Variants in TPST1 observed in about 807,000 individuals in gnomAD.
The protein encoded by TPST1 is protein-tyrosine sulfotransferase 1.
In TPST1, 20 loss-of-function variants were observed where a neutral mutation model predicts 34.8. That is an observed-to-expected ratio of 0.57 (90% confidence interval 0.40 to 0.84). The LOEUF (loss-of-function observed/expected upper bound fraction) is 0.84, where lower values mean the gene tolerates loss of function less well. TPST1 is among the 40% of genes least tolerant of loss of function. The pLI is 0.00. For missense variants in TPST1, 353 were observed against 455.5 expected (o/e 0.78, Z 2.05); for synonymous variants, 152 against 159.4 (o/e 0.95, Z 0.35).
At chr7:66,255,943 A>G (rs995160263) in intron 2 of TPST1, among the ~76,000 whole-genome samples, 1 of 152,168 alleles carries the variant, frequency 6.6e-6, no homozygotes, top group African/African-American at 2.4e-5. Context: ...TCATTGATGA[A>G]TCATTGCCCA....
chr7:66,321,346 G>A (rs180880210), intron 3 of TPST1, among the ~76,000 whole-genome samples: 1 of 152,302 alleles, frequency 6.6e-6, no homozygotes, highest in African/African-American at 2.4e-5. Context: ...TAGGCATTTG[G>A]TATTACCTGC....
intron 3 of TPST1, among the ~76,000 whole-genome samples, chr7:66,316,110 C>CAA (rs1020760097): frequency 4.4e-5 from 4 of 91,826 alleles, no homozygotes; most frequent in Admixed American, 1.1e-4. Flanking sequence ...AACTCCATCT[C>CAA]AAAAAAAAAA....
At chr7:66,308,159 G>A (rs926112818) in intron 3 of TPST1, among the ~76,000 whole-genome samples, 1 of 152,130 alleles carries the variant, frequency 6.6e-6, no homozygotes, top group Non-Finnish European at 1.5e-5. Flanking sequence ...GGGCAACTTG[G>A]TAGCCAGTGG....
chr7:66,358,249 AAAATAAAT>A (rs1014708396), intron 5 of TPST1, among the ~76,000 whole-genome samples: 1 of 151,996 alleles, frequency 6.6e-6, no homozygotes, highest in Non-Finnish European at 1.5e-5. Context: ...CTTCGTCTCA[AAAATAAAT>A]AAATAAATAA....
rs749818570 is a variant in TPST1 at position 66,360,007 on chromosome 7, C to G, written c.*142C>G. On this transcript the variant is annotated 3_prime_UTR_variant, in exon 6 of 6. Transcript: ENST00000304842. ...CGCCGCCTGTGCATTTGCCAGTTTCCTCCCACTGAGAGGATGGAGGTGTCC... is the reference window on the plus strand; with the variant it reads ...CGCCGCCTGTGCATTTGCCAGTTTCGTCCCACTGAGAGGATGGAGGTGTCC... The G allele has an allele frequency of 5.5e-5, 25 of 456,288 alleles. 1 individual carries two copies. The highest frequency in any genetic ancestry group is 7.1e-5 in the Non-Finnish European group (16 of 226,650). 28.3% of individuals were successfully genotyped at this position (456,288 alleles called of 1,614,324 possible).
intron 2 of TPST1, among the ~76,000 whole-genome samples, chr7:66,252,036 G>T (rs1790272130): frequency 6.6e-6 from 1 of 152,124 alleles, no homozygotes; most frequent in Non-Finnish European, 1.5e-5. Context: ...TGGATTATGA[G>T]CAGTATGCAT....
intron 2 of TPST1, among the ~76,000 whole-genome samples, chr7:66,283,554 C>A (rs190657041): frequency 6.6e-6 from 1 of 152,106 alleles, no homozygotes. Flanking sequence ...GTAAACTTTA[C>A]TTATGGATAT....
upstream of TPST1, among the ~76,000 whole-genome samples, chr7:66,202,295 C>T (rs574462639): frequency 3.3e-5 from 5 of 152,290 alleles, 1 homozygote; most frequent in East Asian, 7.7e-4. Context: ...AGGCTGGACC[C>T]TGCTTCTTAC....
intron 2 of TPST1, among the ~76,000 whole-genome samples, chr7:66,278,036 G>T (rs10267430): frequency 0.6 from 87,523 of 146,260 alleles, 26,282 homozygotes; most frequent in African/African-American, 0.69. Context: ...TGAGGTGGAC[G>T]TTGCAGTGTG....
At chr7:66,215,787 T>C (rs562948671) in intron 1 of TPST1, among the ~76,000 whole-genome samples, 3 of 149,758 alleles carry the variant, frequency 2.0e-5, no homozygotes, top group Admixed American at 6.6e-5. Context: ...TTTTTTTTTT[T>C]TTTGAGACGG....
At chr7:66,244,660 T>A (rs888689314) in intron 2 of TPST1, among the ~76,000 whole-genome samples, 1 of 152,210 alleles carries the variant, frequency 6.6e-6, no homozygotes, top group Non-Finnish European at 1.5e-5. Context: ...AGGGAACTTT[T>A]GGGAAGTTAC....
intron 1 of TPST1, among the ~76,000 whole-genome samples, chr7:66,229,303 G>A (rs1331100983): frequency 1.3e-5 from 2 of 152,074 alleles, no homozygotes; most frequent in African/African-American, 2.4e-5. Context: ...GTAGAGACGG[G>A]GTTTCACTGT....
Position 66,281,976 on chromosome 7 carries a change from TGG to T in TPST1, c.846-4533_846-4532del, listed in dbSNP as rs751237250. Among the ~76,000 whole-genome samples the T allele has an allele frequency of 7.1e-4, 108 of 152,146 alleles. 1 individual carries two copies. Among genetic ancestry groups the T allele is most frequent in the Admixed American group, 1.6e-3 (24 of 15,276 alleles). On this transcript the variant is annotated intron_variant, in intron 2 of 5. Transcript: ENST00000304842. ...ACAGACGGAAGGAAGCCTGGGCAGT[TGG>T]GACTGGGGAGAACTTGCTGAGTCAC... is the stretch of plus-strand genomic sequence containing the variant.
intron 2 of TPST1, among the ~76,000 whole-genome samples, chr7:66,259,629 T>C (rs1790446724): frequency 6.6e-6 from 1 of 152,188 alleles, no homozygotes; most frequent in Non-Finnish European, 1.5e-5. Context: ...CAGTTCTGGA[T>C]TCATGGCAAA....
chr7:66,212,952 A>G (rs1428388653), intron 1 of TPST1, among the ~76,000 whole-genome samples: 3 of 152,142 alleles, frequency 2.0e-5, no homozygotes, highest in African/African-American at 7.2e-5. Flanking sequence ...TCATTTTCTT[A>G]TAGGTAACAT....
At chr7:66,321,197 G>A (rs541904915) in intron 3 of TPST1, among the ~76,000 whole-genome samples, 16 of 152,338 alleles carry the variant, frequency 1.1e-4, no homozygotes, top group African/African-American at 3.8e-4. Context: ...ACTTTCCAAT[G>A]TGCCCTCTCA....
rs1258332686 is a variant in TPST1 at position 66,275,256 on chromosome 7, G to GAGAC, written c.846-11254_846-11251dup. Among the ~76,000 whole-genome samples, 3 of 152,120 alleles carry GAGAC rather than the reference G, an allele frequency of 2.0e-5. No homozygotes were observed. The South Asian group carries it at 6.2e-4, about 31-fold the overall frequency. On this transcript the variant is annotated intron_variant, in intron 2 of 5. Coordinates refer to ENST00000304842, the MANE Select transcript of TPST1 (RefSeq NM_003596.4). ...TGTTGGCAAAGATGTGGAGAAAAGGGAGACCTATACACTGTTGGTGAGACT... is the reference window on the plus strand; with the variant it reads ...TGTTGGCAAAGATGTGGAGAAAAGGGAGACAGACCTATACACTGTTGGTGAGACT...
At chr7:66,349,328 T>G (rs1792421605) in intron 3 of TPST1, among the ~76,000 whole-genome samples, 1 of 152,162 alleles carries the variant, frequency 6.6e-6, no homozygotes, top group Admixed American at 6.5e-5. Flanking sequence ...TGCAGCACTT[T>G]GGGAGGCCGA....
chr7:66,236,763 A>G (rs899968156), intron 1 of TPST1, among the ~76,000 whole-genome samples: 18 of 152,218 alleles, frequency 1.2e-4, no homozygotes, highest in African/African-American at 4.3e-4. Context: ...CATACTATAT[A>G]TAAATTACAC....
Sources: allele counts gnomAD v4.1 joint callset (sites outside exome capture counted in the v4.1 genomes callset), GRCh38; gene constraint gnomAD v4.1.1; transcripts MANE v1.5; gene names NCBI Gene and HGNC (gene_info 2026-07-23, HGNC 2026-07-21).